NR2F1-AS1: variants seen among roughly 807,000 people sequenced by gnomAD.
The protein encoded by NR2F1-AS1 is NR2F1 antisense RNA 1.
intron 2 of NR2F1-AS1, among the ~76,000 whole-genome samples, chr5:93,563,184 A>G (rs1752534015): frequency 6.6e-6 from 1 of 152,268 alleles, no homozygotes; most frequent in Admixed American, 6.5e-5. Flanking sequence ...GCAAGAAAGT[A>G]AATTTACCAC....
intron 4 of NR2F1-AS1, among the ~76,000 whole-genome samples, chr5:93,453,138 T>C (rs1409302901): frequency 6.6e-6 from 1 of 152,008 alleles, no homozygotes; most frequent in East Asian, 1.9e-4. Flanking sequence ...TTTTTAAAGA[T>C]CTACTAGAAG....
chr5:93,574,050 C>T (rs1376449353), intron 1 of NR2F1-AS1, among the ~76,000 whole-genome samples: 1 of 152,256 alleles, frequency 6.6e-6, no homozygotes, highest in Non-Finnish European at 1.5e-5. Context: ...GTCATTTCAG[C>T]TCCATTGTCT....
intron 4 of NR2F1-AS1, among the ~76,000 whole-genome samples, chr5:93,422,942 C>T (rs758792627): frequency 1.9e-4 from 29 of 152,158 alleles, no homozygotes; most frequent in Non-Finnish European, 1.9e-4. Flanking sequence ...CCTACCCCAG[C>T]GGCTGGCAAA....
intron 4 of NR2F1-AS1, among the ~76,000 whole-genome samples, chr5:93,551,522 G>C (rs1271261359): frequency 6.6e-6 from 1 of 152,098 alleles, no homozygotes; most frequent in Non-Finnish European, 1.5e-5. Flanking sequence ...AGCCATGTAA[G>C]AATGTGCCAT....
chr5:93,550,011 T>C (rs1446109742), intron 4 of NR2F1-AS1, among the ~76,000 whole-genome samples: 4 of 151,934 alleles, frequency 2.6e-5, no homozygotes, highest in Non-Finnish European at 2.9e-5. Context: ...AAATACCTAA[T>C]GTAAATGACT....
intron 1 of NR2F1-AS1, among the ~76,000 whole-genome samples, chr5:93,565,799 C>T (rs569139792): frequency 6.6e-6 from 1 of 150,498 alleles, no homozygotes; most frequent in Admixed American, 6.6e-5. Flanking sequence ...CTGTGTCCCC[C>T]AACATAAGAA....
At chr5:93,533,854 A>G (rs1261231851) in intron 4 of NR2F1-AS1, among the ~76,000 whole-genome samples, 1 of 152,196 alleles carries the variant, frequency 6.6e-6, no homozygotes, top group Non-Finnish European at 1.5e-5. Context: ...CCTCTAGGCC[A>G]GGCGCAGTGG....
intron 4 of NR2F1-AS1, among the ~76,000 whole-genome samples, chr5:93,447,948 G>A (rs1749751018): frequency 6.6e-6 from 1 of 152,096 alleles, no homozygotes; most frequent in African/African-American, 2.4e-5. Flanking sequence ...CTATAGCAAG[G>A]ACAGAAAACC....
chr5:93,506,587 A>G (rs1015505416), intron 4 of NR2F1-AS1, among the ~76,000 whole-genome samples: 36 of 152,194 alleles, frequency 2.4e-4, no homozygotes, highest in African/African-American at 8.2e-4. Context: ...CATTTCTTAC[A>G]TGGCAGCAGC....
In NR2F1-AS1 at chr5:93,539,666, C is replaced by A. The variant is rs567083599; in HGVS notation, n.638+14095G>T. Among the ~76,000 whole-genome samples, 5 of 152,070 alleles carry A rather than the reference C, an allele frequency of 3.3e-5. No individual in the cohort carries two copies. The South Asian group carries it at 1.0e-3, about 32-fold the overall frequency. On this transcript the variant is annotated intron_variant and non_coding_transcript_variant, in intron 4 of 5. Coordinates refer to ENST00000660523, the Ensembl canonical transcript of NR2F1-AS1. ...CAATGGGTGCAAAGTTACAATTAGA[C>A]AAGGGGAAAAAATTCTTGTGTTCTA...
intron 2 of NR2F1-AS1, among the ~76,000 whole-genome samples, chr5:93,559,759 C>G (rs1210568636): frequency 6.6e-6 from 1 of 152,220 alleles, no homozygotes; most frequent in Non-Finnish European, 1.5e-5. Context: ...AGAATACACA[C>G]ATTTATCAAT....
intron 1 of NR2F1-AS1, among the ~76,000 whole-genome samples, chr5:93,577,247 A>G (rs1752917277): frequency 1.3e-5 from 2 of 152,216 alleles, no homozygotes; most frequent in Non-Finnish European, 2.9e-5. Flanking sequence ...GCTTTAAATG[A>G]CCGGTTTGAG....
At chr5:93,421,133 T>G (rs557420977) in intron 4 of NR2F1-AS1, among the ~76,000 whole-genome samples, 1 of 152,292 alleles carries the variant, frequency 6.6e-6, no homozygotes, top group South Asian at 2.1e-4. Context: ...GCTACCATTC[T>G]ACCATATGCC....
At chr5:93,526,802 C>T (rs561118605) in intron 4 of NR2F1-AS1, among the ~76,000 whole-genome samples, 1 of 152,172 alleles carries the variant, frequency 6.6e-6, no homozygotes, top group South Asian at 2.1e-4. Context: ...AACACCCCTT[C>T]ACGCTAAAAA....
chr5:93,459,254 A>G (rs1750036788), intron 4 of NR2F1-AS1, among the ~76,000 whole-genome samples: 1 of 151,982 alleles, frequency 6.6e-6, no homozygotes, highest in Admixed American at 6.5e-5. Flanking sequence ...TATTTGAAAT[A>G]TTCAAATATC....
intron 1 of NR2F1-AS1, chr5:93,571,157 C>T (rs996462655): frequency 7.2e-5 from 11 of 152,230 alleles, no homozygotes; most frequent in African/African-American, 2.6e-4. Flanking sequence ...CCACAGGCAC[C>T]TTAGGACCCT....
At chr5:93,457,167 C>T (rs904055802) in intron 4 of NR2F1-AS1, among the ~76,000 whole-genome samples, 2 of 152,090 alleles carry the variant, frequency 1.3e-5, no homozygotes, top group African/African-American at 4.8e-5. Context: ...TTACGGGTGT[C>T]GGGCTGGGGA....
At chr5:93,508,757 G>T (rs1751237169) in intron 4 of NR2F1-AS1, among the ~76,000 whole-genome samples, 1 of 151,888 alleles carries the variant, frequency 6.6e-6, no homozygotes, top group African/African-American at 2.4e-5. Flanking sequence ...AAAAACAAAA[G>T]AAATGAAATG....
chr5:93,477,791 GA>G (rs1750516339), intron 4 of NR2F1-AS1, among the ~76,000 whole-genome samples: 1 of 152,128 alleles, frequency 6.6e-6, no homozygotes, highest in African/African-American at 2.4e-5. Flanking sequence ...AAACTTTAAT[GA>G]AAATCATCTT....
Sources: allele counts gnomAD v4.1 joint callset (sites outside exome capture counted in the v4.1 genomes callset), GRCh38; gene constraint gnomAD v4.1.1; transcripts MANE v1.5; gene names NCBI Gene and HGNC (gene_info 2026-07-23, HGNC 2026-07-21).